PLCH1: variants seen among roughly 807,000 people sequenced by gnomAD.
PLCH1 encodes the protein phospholipase C eta 1.
PLCH1 carries 60 observed loss-of-function variants against 126.7 expected under a neutral mutation model. The ratio of observed to expected loss-of-function variants is 0.47; its 90% CI spans 0.38 to 0.59. PLCH1 has a LOEUF of 0.59. PLCH1 is among the 20% of genes least tolerant of loss of function. The pLI, the probability that PLCH1 is intolerant of heterozygous loss-of-function variation, is 0.00. For synonymous variants in PLCH1, 719 were observed against 734.9 expected, an observed-to-expected ratio of 0.98 and a Z score of 0.35; for missense variants, 1,723 against 2,040.0, an observed-to-expected ratio of 0.84 and a Z score of 2.99.
chr3:155,740,093 C>T (rs1245537689), intron 1 of PLCH1, among the ~76,000 whole-genome samples: 1 of 152,068 alleles, frequency 6.6e-6, no homozygotes, highest in African/African-American at 2.4e-5. Flanking sequence ...TACACACATG[C>T]TTATAAAAAG....
intron 11 of PLCH1, among the ~76,000 whole-genome samples, chr3:155,516,418 A>T (rs1176641780): frequency 1.3e-5 from 2 of 152,158 alleles, no homozygotes; most frequent in African/African-American, 4.8e-5. Flanking sequence ...CTAGCAAAGG[A>T]TTTACATGAA....
At chr3:155,558,511 A>G (rs1349094980) in intron 8 of PLCH1, among the ~76,000 whole-genome samples, 1 of 152,188 alleles carries the variant, frequency 6.6e-6, no homozygotes, top group Non-Finnish European at 1.5e-5. Flanking sequence ...ATACATACCT[A>G]TAATAAAGTT....
Position 155,641,758 on chromosome 3 carries a change from T to A in PLCH1, c.80-45380A>T, listed in dbSNP as rs186044710. Among the ~76,000 whole-genome samples, 144 of 152,286 alleles carry A rather than the reference T, an allele frequency of 9.5e-4. No homozygotes were observed. In the East Asian group the frequency reaches 0.024, roughly 26 times the overall value. On this transcript the variant is annotated intron_variant, in intron 2 of 22. Transcript: ENST00000460012. The stretch of plus-strand genomic sequence containing the variant: ...CAAATAAAAAATTTTTAATTTTTTT[T>A]AAACTTTTTAAAATCTCAAGTTTAG...
intron 2 of PLCH1, among the ~76,000 whole-genome samples, chr3:155,661,773 G>T: frequency 6.6e-6 from 1 of 152,288 alleles, no homozygotes; most frequent in East Asian, 1.9e-4. Flanking sequence ...GAGCAAAAAT[G>T]AATACAGTTA....
chr3:155,496,461 G>A (rs567886298), intron 15 of PLCH1, among the ~76,000 whole-genome samples: 3 of 152,122 alleles, frequency 2.0e-5, no homozygotes, highest in Admixed American at 2.0e-4. Flanking sequence ...AGGAATCAAG[G>A]CCAAAGGGAA....
chr3:155,649,104 C>G (rs557831520), intron 2 of PLCH1, among the ~76,000 whole-genome samples: 2 of 152,116 alleles, frequency 1.3e-5, no homozygotes, highest in East Asian at 3.9e-4. Context: ...GTCTGGAGGG[C>G]AAGAGGGGGG....
At chr3:155,722,259 G>A (rs1748008382) in intron 1 of PLCH1, among the ~76,000 whole-genome samples, 1 of 151,936 alleles carries the variant, frequency 6.6e-6, no homozygotes, top group African/African-American at 2.4e-5. Context: ...TGCCTCCCGG[G>A]TTCAAGCAAT....
chr3:155,583,942 A>G (rs1404353344), intron 5 of PLCH1, among the ~76,000 whole-genome samples: 1 of 151,792 alleles, frequency 6.6e-6, no homozygotes, highest in Admixed American at 6.6e-5. Context: ...TAGAAACAAT[A>G]CAATTCTAGA....
intron 2 of PLCH1, among the ~76,000 whole-genome samples, chr3:155,696,272 T>A (rs1745791746): frequency 6.6e-6 from 1 of 152,190 alleles, no homozygotes; most frequent in Admixed American, 6.5e-5. Context: ...CAGATCTCTA[T>A]GGGGATGACT....
In PLCH1 at chr3:155,628,322, A is replaced by C. The variant is rs1216908910; in HGVS notation, c.80-31944T>G. Among the ~76,000 whole-genome samples, 3 of 145,166 alleles carry C rather than the reference A, an allele frequency of 2.1e-5. No individual in the cohort carries two copies. The East Asian group carries it at 6.2e-4, about 30-fold the overall frequency. Reference sequence around the variant, plus strand: ...ACCTTCCTGTAACATAGGATGTAAGACTTTCATTCCAAAAGTGCCTTCCCT... The same window carrying C: ...ACCTTCCTGTAACATAGGATGTAAGCCTTTCATTCCAAAAGTGCCTTCCCT... On this transcript the variant is annotated intron_variant, in intron 2 of 22. Coordinates refer to ENST00000460012, the MANE Select transcript of PLCH1 (RefSeq NM_014996.4).
rs991586424 is a variant in PLCH1 at position 155,543,425 on chromosome 3, A to G, written c.1362+6362T>C. On this transcript the variant is annotated intron_variant, in intron 10 of 22. Coordinates refer to ENST00000460012, the MANE Select transcript of PLCH1 (RefSeq NM_014996.4). ...ATCTACGTCTGATTGGTGTACCTGA[A>G]AGTGACGGGGAGAATGGAACCAAGT... is the stretch of plus-strand genomic sequence containing the variant. Among the ~76,000 whole-genome samples, 7 of 152,320 alleles carry G rather than the reference A, an allele frequency of 4.6e-5. No homozygotes were observed. In the East Asian group the frequency reaches 1.3e-3, roughly 29 times the overall value.
At chr3:155,505,503 T>A (rs1175878928) in intron 12 of PLCH1, among the ~76,000 whole-genome samples, 2 of 152,132 alleles carry the variant, frequency 1.3e-5, no homozygotes, top group Non-Finnish European at 2.9e-5. Context: ...ATAAATGGAA[T>A]AAATGTGGGT....
At chr3:155,614,420 A>C (rs1056286335) in intron 2 of PLCH1, among the ~76,000 whole-genome samples, 2 of 152,198 alleles carry the variant, frequency 1.3e-5, no homozygotes, top group African/African-American at 4.8e-5. Flanking sequence ...TAGTTACCAA[A>C]ACAGCATAGT....
intron 2 of PLCH1, among the ~76,000 whole-genome samples, chr3:155,655,460 G>T (rs1478005482): frequency 7.1e-6 from 1 of 141,700 alleles, no homozygotes; most frequent in African/African-American, 2.7e-5. Context: ...AAGAAGAAGA[G>T]AAAATATTCC....
At chr3:155,495,911 A>C (rs757366988) in intron 15 of PLCH1, among the ~76,000 whole-genome samples, 3 of 152,218 alleles carry the variant, frequency 2.0e-5, no homozygotes, top group Non-Finnish European at 4.4e-5. Flanking sequence ...ATTGAACTTA[A>C]TTGCAGATTT....
chr3:155,553,106 GATTTTT>G (rs956332611), intron 9 of PLCH1, among the ~76,000 whole-genome samples: 5 of 152,008 alleles, frequency 3.3e-5, no homozygotes, highest in African/African-American at 4.8e-5. Flanking sequence ...ATTCACTGAG[GATTTTT>G]ATTTTTATTT....
At chr3:155,458,558 A>G (rs1013628994) in intron 21 of PLCH1, among the ~76,000 whole-genome samples, 70 of 128,378 alleles carry the variant, frequency 5.5e-4, no homozygotes, top group African/African-American at 2.2e-3. Flanking sequence ...AAGAAAGAGA[A>G]AAAGAAAGAA....
chr3:155,481,211 C>A lies in PLCH1; in HGVS notation c.4815G>T (p.Val1605=), dbSNP rs757908551. The change falls in exon 23 of 23, where the codon GTG becomes GTT. Residue 1605 remains valine (V), a synonymous_variant. Transcript: ENST00000460012. This position sits in a 1 kb window ranked among gnomAD's most constrained non-coding sequence, Gnocchi z 4.2. ...GTGCTGAGGGTTTGTTTCTAAGAACCACTCCTGCCCCATTGCTGGGGTTTG... is the reference window on the plus strand; with the variant it reads ...GTGCTGAGGGTTTGTTTCTAAGAACAACTCCTGCCCCATTGCTGGGGTTTG... ...KVPNPSNGAG[V]VLRNKPSAPT... The A allele has an allele frequency of 6.2e-7, 1 of 1,614,206 alleles. No homozygotes were observed. The highest frequency in any genetic ancestry group is 1.7e-5 in the Admixed American group (1 of 60,036).
At chr3:155,510,656 TTTTC>T (rs1192223137) in intron 12 of PLCH1, among the ~76,000 whole-genome samples, 15 of 50,666 alleles carry the variant, frequency 3.0e-4, no homozygotes, top group Admixed American at 4.6e-4. Flanking sequence ...TTGAAAATTC[TTTTC>T]TTTAAGAATG....
Sources: allele counts gnomAD v4.1 joint callset (sites outside exome capture counted in the v4.1 genomes callset), GRCh38; gene constraint gnomAD v4.1.1; non-coding constraint Gnocchi (gnomAD v3.1); transcripts MANE v1.5; gene names NCBI Gene and HGNC (gene_info 2026-07-23, HGNC 2026-07-21).